The following CHFR variants were observed in gnomAD, a reference collection of about 807,000 sequenced individuals.
CHFR encodes the protein checkpoint with forkhead and ring finger domains.
Under a neutral mutation model 87.6 loss-of-function variants are expected in CHFR, and 57 were observed. The ratio of observed to expected loss-of-function variants is 0.65; its 90% CI spans 0.53 to 0.81. The LOEUF is 0.81. Ranked by LOEUF, CHFR falls within the 30% of genes least tolerant of loss-of-function variation. The pLI is 0.00. For missense variants in CHFR, 797 were observed against 865.8 expected (o/e 0.92, Z 1.00); for synonymous variants, 381 against 359.2 (o/e 1.06, Z -0.69).
intron 10 of CHFR, 152 bp from the exon 11 acceptor site, chr12:132,853,725 AC>A: frequency 1.1e-6 from 1 of 875,350 alleles, no homozygotes; most frequent in Non-Finnish European, 1.6e-6. Context: ...CCTGTCCAGC[AC>A]CCCAGTGTTA....
At position 132,841,489 on chromosome 12, in the gene CHFR, T is replaced by C. The variant is rs1314603974; in HGVS notation, c.*65A>G. 1.4e-6 allele frequency: 2 copies of C among 1,403,068 alleles called. No individual in the cohort carries two copies. Among genetic ancestry groups the C allele is most frequent in the Non-Finnish European group, 2.0e-6 (2 of 988,084 alleles). The allele number at this position is 1,403,068 out of a possible 1,614,324, so 86.9% of individuals were successfully genotyped here. A position where few individuals can be genotyped will look rare whatever the true frequency, so the allele number is the denominator to read the frequency against. The stretch of plus-strand genomic sequence containing the variant: ...GTGAAAACACCTTGACGTGCTTGTC[T>C]CTGTATTTTAAAAACACGCTCTCTT... On this transcript the variant is annotated 3_prime_UTR_variant, in exon 18 of 18. Coordinates refer to ENST00000450056, the MANE Select transcript of CHFR (RefSeq NM_001161346.2).
intron 2 of CHFR, among the ~76,000 whole-genome samples, chr12:132,880,426 G>C (rs375022775): frequency 4.0e-5 from 6 of 150,570 alleles, no homozygotes; most frequent in East Asian, 1.9e-4. Context: ...GGAGGCCAAG[G>C]GGGGGGCGGA....
In CHFR at chr12:132,851,653, T is replaced by TC; in HGVS notation, c.1456dup (p.Glu486GlyfsTer41). 6.2e-7 allele frequency: 1 copy of TC among 1,613,002 alleles called. No individual in the cohort carries two copies. The highest frequency in any genetic ancestry group is 8.5e-7 in the Non-Finnish European group (1 of 1,179,888). ...GGCGACACGCGGGTCCTGCTCGCGC[T>TC]CCGCTCTCCGGTCGGGCATGGGCTG... On this transcript the variant is annotated frameshift_variant, in exon 12 of 18. Transcript: ENST00000450056. LOFTEE classifies it high-confidence loss of function.
chr12:132,853,287 A>T (rs1160704547), intron 11 of CHFR, 144 bp downstream of exon 11: 1 of 827,022 alleles, frequency 1.2e-6, no homozygotes, highest in Non-Finnish European at 1.7e-6. Context: ...CTGTGAGTGC[A>T]GGGAGACCAA....
chr12:132,842,810 G>C (rs1950729871), intron 17 of CHFR, among the ~76,000 whole-genome samples: 1 of 152,190 alleles, frequency 6.6e-6, no homozygotes, highest in Non-Finnish European at 1.5e-5. Flanking sequence ...ACTCCAGCCA[G>C]GAAGACACAG....
chr12:132,862,021 C>T (rs1209791658), intron 6 of CHFR: 2 of 210,374 alleles, frequency 9.5e-6, no homozygotes, highest in African/African-American at 4.6e-5. Context: ...ACCCGTAATC[C>T]CAGCACGTTG....
chr12:132,849,903 T>A (rs1950903003), intron 12 of CHFR: 1 of 152,230 alleles, frequency 6.6e-6, no homozygotes, highest in African/African-American at 2.4e-5. Context: ...GGCCTTTTTC[T>A]ACCTAGGTAT....
At chr12:132,854,948 T>TA (rs752245469) in intron 10 of CHFR, 2 of 151,076 alleles carry the variant, frequency 1.3e-5, no homozygotes, top group Non-Finnish European at 2.9e-5. Context: ...CTACTAAAAA[T>TA]ACAAAATTAG....
chr12:132,833,193 G>T lies in CHFR; in HGVS notation c.*8361C>A. 1 of 152,268 alleles carries T rather than the reference G, an allele frequency of 6.6e-6. No individual in the cohort carries two copies. 9.4% of individuals were successfully genotyped at this position (152,268 alleles called of 1,614,324 possible). ...TCTGCGTGCGGGGGGTCCCTGCTTT[G>T]GTCCAGTTTCATGTTTGTGTGTGGA... is the stretch of plus-strand genomic sequence containing the variant. On this transcript the variant is annotated 3_prime_UTR_variant, in exon 18 of 18. Coordinates refer to ENST00000450056, the MANE Select transcript of CHFR (RefSeq NM_001161346.2).
chr12:132,850,964 CATAT>C (rs55826641), intron 12 of CHFR, among the ~76,000 whole-genome samples: 12,924 of 135,290 alleles, frequency 0.096, 597 homozygotes, highest in Middle Eastern at 0.2. Flanking sequence ...TATGTGTGTG[CATAT>C]ATATATATAT....
chr12:132,856,629 G>A lies in CHFR; in HGVS notation c.1068C>T (p.Asp356=), dbSNP rs1227736511. The change falls in exon 10 of 18, where the codon GAC becomes GAT. Residue 356 remains aspartate (D), a splice_region_variant and synonymous_variant. Coordinates refer to ENST00000450056, the MANE Select transcript of CHFR (RefSeq NM_001161346.2). The stretch of plus-strand genomic sequence containing the variant: ...GCACATCTTCTTCACTGCGACTCTT[G>A]TCTAGAATTGAAAGGACACAGCGCC... ...LVEAYLIQHP[D]KSRSEEDVQS... 2 of 1,613,822 alleles carry A rather than the reference G, an allele frequency of 1.2e-6. No individual in the cohort carries two copies. The highest frequency in any genetic ancestry group is 1.3e-5 in the African/African-American group (1 of 75,072).
intron 6 of CHFR, chr12:132,866,437 G>A (rs116138868): frequency 1.5e-3 from 220 of 151,514 alleles, no homozygotes; most frequent in African/African-American, 5.0e-3. Flanking sequence ...AACACACCCT[G>A]GAACGTTACA....
At position 132,870,733 on chromosome 12, in the gene CHFR, C is replaced by T. The variant is rs780460479; in HGVS notation, c.394G>A (p.Glu132Lys). The change falls in exon 5 of 18, where the codon GAA becomes AAA. Residue 132 changes from glutamate to lysine, a missense_variant. Physicochemically the swap from Glu to Lys is moderately conservative, Grantham distance 56. Coordinates refer to ENST00000450056, the MANE Select transcript of CHFR (RefSeq NM_001161346.2). ...CTACACTCTTACTTACCAAAGGATT[C>T]TTGTGTCATGCCTTGCTTTTCACTT... ...SLSEKQGMTQ[E>K]SFDTSGAGAG... 1.2e-6 allele frequency: 2 copies of T among 1,608,228 alleles called. No homozygotes were observed. The highest frequency in any genetic ancestry group is 1.7e-5 in the Admixed American group (1 of 59,942).
chr12:132,873,787 C>G lies in CHFR; in HGVS notation c.234-1393G>C, dbSNP rs189927815. 9.2e-5 allele frequency among the ~76,000 whole-genome samples: 14 copies of G among 152,328 alleles called. No homozygotes were observed. The East Asian group carries it at 2.5e-3, about 27-fold the overall frequency. On this transcript the variant is annotated intron_variant, in intron 3 of 17. Transcript: ENST00000450056. ...TGCAGGGGGCTGGAGCCAATCCCCCCAGATGCCGAGGGGCGACTGCAGCCA... is the reference window on the plus strand; with the variant it reads ...TGCAGGGGGCTGGAGCCAATCCCCCGAGATGCCGAGGGGCGACTGCAGCCA...
chr12:132,872,426 C>T, intron 3 of CHFR, 32 bp from the exon 4 acceptor site: 10 of 1,502,040 alleles, frequency 6.7e-6, no homozygotes, highest in Non-Finnish European at 9.3e-6. Context: ...ATTTATTCTA[C>T]TTAAAATAAC....
At chr12:132,874,861 G>A (rs1951589809) in intron 3 of CHFR, among the ~76,000 whole-genome samples, 1 of 150,380 alleles carries the variant, frequency 6.6e-6, no homozygotes, top group Non-Finnish European at 1.5e-5. Flanking sequence ...GGGAACCCAG[G>A]CCCTGGAACA....
intron 2 of CHFR, among the ~76,000 whole-genome samples, chr12:132,879,671 G>A (rs575041669): frequency 2.6e-5 from 4 of 152,262 alleles, no homozygotes; most frequent in African/African-American, 9.6e-5. Flanking sequence ...TTACAGGCGT[G>A]AGCCACCAGC....
chr12:132,847,923 G>C (rs1593451512), intron 14 of CHFR, 162 bp downstream of exon 14: 6 of 1,473,434 alleles, frequency 4.1e-6, no homozygotes, highest in Non-Finnish European at 5.4e-6. Flanking sequence ...ATGGCATGCA[G>C]AGAACCAGCT....
chr12:132,872,893 A>G (rs1041906056), intron 3 of CHFR, among the ~76,000 whole-genome samples: 2 of 152,126 alleles, frequency 1.3e-5, no homozygotes, highest in Non-Finnish European at 2.9e-5. Context: ...CTGCACTCAG[A>G]GCTTGTGGTC....
Sources: allele counts gnomAD v4.1 joint callset (sites outside exome capture counted in the v4.1 genomes callset), GRCh38; gene constraint gnomAD v4.1.1; transcripts MANE v1.5; gene names NCBI Gene and HGNC (gene_info 2026-07-23, HGNC 2026-07-21).